The following PDZD2 variants were observed in gnomAD, a reference collection of about 807,000 sequenced individuals.
PDZD2 encodes the protein PDZ domain-containing protein 2.
PDZD2 carries 90 observed loss-of-function variants against 220.7 expected under a neutral mutation model. The observed-to-expected ratio is 0.41, with a 90% confidence interval of 0.34 to 0.49. PDZD2 has a LOEUF of 0.49. Among genes scored for constraint, PDZD2 ranks in the 20% least tolerant of loss-of-function variants. The pLI is 0.28. For synonymous variants in PDZD2, 1,375 were observed against 1,450.5 expected, an observed-to-expected ratio of 0.95 and a Z score of 1.18; for missense variants, 3,174 against 3,608.5, an observed-to-expected ratio of 0.88 and a Z score of 3.08.
intron 1 of PDZD2, among the ~76,000 whole-genome samples, chr5:31,716,701 C>A (rs7735303): frequency 2.0e-5 from 3 of 151,886 alleles, no homozygotes; most frequent in East Asian, 3.9e-4. Flanking sequence ...TACTCGGGAG[C>A]CTGAGGCAGG....
rs1333017882 is a variant in PDZD2 at position 32,088,846 on chromosome 5, G to A, written c.5398G>A (p.Ala1800Thr). 2 of 1,614,074 alleles carry A rather than the reference G, an allele frequency of 1.2e-6. No homozygotes were observed. The highest frequency in any genetic ancestry group is 1.7e-6 in the Non-Finnish European group (2 of 1,180,022). ...PKMIARRPIMAWFKEINKHNQ... is the reference protein window; with the variant it reads ...PKMIARRPIMTWFKEINKHNQ... ...AATGATCGCTAGGAGGCCCATCATG[G>A]CCTGGTTTAAAGAAATAAATAAACA... The change falls in exon 20 of 25, where the codon GCC (alanine) becomes ACC (threonine). Residue 1800 changes from alanine to threonine, a missense_variant. By Grantham distance (58) the Ala-to-Thr change is moderately conservative. Around this residue, in one of 4 missense-constraint regions of PDZD2, gnomAD observed 1,861 missense variants for 2,001.0 expected, o/e 0.93. Transcript: ENST00000438447. This position sits in a 1 kb window ranked among gnomAD's most constrained non-coding sequence, Gnocchi z 4.6.
chr5:31,843,231 GT>G (rs1288354625), intron 2 of PDZD2: 1 of 149,720 alleles, frequency 6.7e-6, no homozygotes, highest in Non-Finnish European at 1.5e-5. Flanking sequence ...AATTCAAAGT[GT>G]TTTCCCACCC....
intron 2 of PDZD2, among the ~76,000 whole-genome samples, chr5:31,933,303 G>A (rs908195107): frequency 2.0e-5 from 3 of 152,122 alleles, no homozygotes; most frequent in Admixed American, 6.5e-5. Flanking sequence ...TTGTACATAT[G>A]TATCACATTT....
chr5:31,868,737 G>T (rs139596589), intron 2 of PDZD2, among the ~76,000 whole-genome samples: 1 of 151,976 alleles, frequency 6.6e-6, no homozygotes. Flanking sequence ...GAATTACTTT[G>T]CTCATTCATA....
intron 14 of PDZD2, among the ~76,000 whole-genome samples, chr5:32,064,204 C>T (rs912887366): frequency 1.3e-4 from 20 of 151,852 alleles, no homozygotes; most frequent in Admixed American, 7.9e-4. Context: ...TGTTTTTGGA[C>T]GCACAGAGGA....
chr5:31,755,338 C>T (rs1423914012), intron 1 of PDZD2, among the ~76,000 whole-genome samples: 1 of 152,058 alleles, frequency 6.6e-6, no homozygotes, highest in Non-Finnish European at 1.5e-5. Flanking sequence ...AAACATTAAG[C>T]CTGAAGAGGT....
intron 1 of PDZD2, among the ~76,000 whole-genome samples, chr5:31,769,741 A>G (rs1296732810): frequency 2.0e-5 from 3 of 152,210 alleles, no homozygotes; most frequent in Admixed American, 6.5e-5. Context: ...TTCCAGGCCG[A>G]GGCCACAGAG....
chr5:32,071,763 T>G (rs1740770377), intron 16 of PDZD2, among the ~76,000 whole-genome samples: 1 of 152,210 alleles, frequency 6.6e-6, no homozygotes, highest in Non-Finnish European at 1.5e-5. Flanking sequence ...TTGCTGAGTC[T>G]CAGTGCGTCA....
intron 7 of PDZD2, among the ~76,000 whole-genome samples, chr5:32,042,810 G>C (rs1756310191): frequency 6.6e-6 from 1 of 152,156 alleles, no homozygotes; most frequent in Non-Finnish European, 1.5e-5. Flanking sequence ...TGGGGCGAGG[G>C]AGTCACAAGG....
chr5:31,669,393 C>A (rs577053478), intron 1 of PDZD2, among the ~76,000 whole-genome samples: 1 of 115,298 alleles, frequency 8.7e-6, no homozygotes, highest in Non-Finnish European at 1.7e-5. Flanking sequence ...CAGAGTGAGA[C>A]CCTGTCTCAA....
At chr5:31,832,083 G>T (rs184882045) in intron 2 of PDZD2, among the ~76,000 whole-genome samples, 1 of 152,208 alleles carries the variant, frequency 6.6e-6, no homozygotes, top group East Asian at 1.9e-4. Context: ...TTTAGAGATG[G>T]AGTCTCACTA....
At chr5:31,996,349 A>T (rs1487533400) in intron 4 of PDZD2, among the ~76,000 whole-genome samples, 1 of 152,238 alleles carries the variant, frequency 6.6e-6, no homozygotes, top group Non-Finnish European at 1.5e-5. Context: ...AGGCCAAAGC[A>T]GGAGGATTGC....
chr5:31,691,447 G>A (rs891261451), intron 1 of PDZD2, among the ~76,000 whole-genome samples: 5 of 152,106 alleles, frequency 3.3e-5, no homozygotes, highest in Non-Finnish European at 2.9e-5. Context: ...TGCTGGCTGG[G>A]GCAGCCTGCT....
At chr5:31,894,059 T>A (rs939958757) in intron 2 of PDZD2, among the ~76,000 whole-genome samples, 1 of 21,856 alleles carries the variant, frequency 4.6e-5, no homozygotes, top group Non-Finnish European at 7.1e-5. Context: ...CACGCCCAGC[T>A]TTTTTTTTTT....
intron 2 of PDZD2, among the ~76,000 whole-genome samples, chr5:31,825,582 C>G (rs748265272): frequency 6.6e-6 from 1 of 152,212 alleles, no homozygotes; most frequent in Non-Finnish European, 1.5e-5. Flanking sequence ...GGCTCTGGTG[C>G]TGACTCCACA....
intron 1 of PDZD2, among the ~76,000 whole-genome samples, chr5:31,793,690 C>T (rs1417834337): frequency 1.3e-5 from 2 of 152,216 alleles, no homozygotes; most frequent in Non-Finnish European, 2.9e-5. Context: ...CGCCTGTAAG[C>T]GCAGCTACTT....
Position 32,088,991 on chromosome 5 carries a change from C to G in PDZD2, c.5543C>G (p.Pro1848Arg). The G allele has an allele frequency of 6.2e-7, 1 of 1,614,008 alleles. No homozygotes were observed. Among genetic ancestry groups the G allele is most frequent in the Non-Finnish European group, 8.5e-7 (1 of 1,180,008 alleles). Residue 1848 changes from proline (P) to arginine (R), a missense_variant, in exon 20 of 25, where the codon CCT (proline) becomes CGT (arginine). Transcript: ENST00000438447. The surrounding 1 kb of genome is among the most constrained non-coding windows in gnomAD (Gnocchi z 4.6). ...SSSQKKGVTVPHSPPQPKTNL... is the reference protein window; with the variant it reads ...SSSQKKGVTVRHSPPQPKTNL... ...AGCCAAAAAAAGGGCGTTACTGTGC[C>G]TCATAGCCCTCCTCAGCCGAAAACA...
intron 7 of PDZD2, among the ~76,000 whole-genome samples, chr5:32,038,107 G>T (rs1267932270): frequency 6.8e-6 from 1 of 147,462 alleles, no homozygotes; most frequent in Admixed American, 6.8e-5. Flanking sequence ...TTCCCAAAGT[G>T]CTGGGATTAT....
intron 2 of PDZD2, among the ~76,000 whole-genome samples, chr5:31,849,261 A>G (rs1757778528): frequency 6.6e-6 from 1 of 152,158 alleles, no homozygotes; most frequent in Admixed American, 6.6e-5. Context: ...CTTTTGAGTC[A>G]GACCAAATGG....
Sources: gnomAD v4.1 joint callset for allele counts (sites outside exome capture counted in the v4.1 genomes callset) on GRCh38, gnomAD v4.1.1 for gene constraint, gnomAD v4.1.1 regional missense constraint, Gnocchi (gnomAD v3.1) non-coding constraint, MANE v1.5 for transcripts, NCBI Gene and HGNC (gene_info 2026-07-23, HGNC 2026-07-21) for gene names.